The following DNAJC12 variants were observed in gnomAD, a reference collection of about 807,000 sequenced individuals.
The protein encoded by DNAJC12 is dnaJ homolog subfamily C member 12.
Under a neutral mutation model 28.5 loss-of-function variants are expected in DNAJC12, and 25 were observed. The ratio of observed to expected loss-of-function variants is 0.88; its 90% CI spans 0.64 to 1.22. DNAJC12 has a LOEUF of 1.22. DNAJC12 is among the 50% of genes most tolerant of loss of function. The pLI, the probability that DNAJC12 is intolerant of heterozygous loss-of-function variation, is 0.00. For missense variants in DNAJC12, 222 were observed against 231.7 expected (o/e 0.96, Z 0.27); for synonymous variants, 77 against 80.6 (o/e 0.95, Z 0.24).
chr10:67,810,944 A>G (rs1483753571), intron 3 of DNAJC12: 3 of 152,298 alleles, frequency 2.0e-5, no homozygotes, highest in African/African-American at 7.2e-5. Context: ...TATAAAGGTC[A>G]ATGTTGAACA....
At chr10:67,823,880 G>C (rs139310186) in intron 1 of DNAJC12, among the ~76,000 whole-genome samples, 3 of 151,974 alleles carry the variant, frequency 2.0e-5, no homozygotes, top group Non-Finnish European at 2.9e-5. Flanking sequence ...TGAAATAGTC[G>C]TTGTGATGAC....
At chr10:67,811,743 T>C in intron 2 of DNAJC12, 80 bp from the exon 3 acceptor site, 1 of 1,531,366 alleles carries the variant, frequency 6.5e-7, no homozygotes, top group Non-Finnish European at 8.8e-7. Flanking sequence ...CTGCTCTTAC[T>C]AAAACCATGA....
intron 2 of DNAJC12, among the ~76,000 whole-genome samples, chr10:67,821,525 AC>A (rs548616444): frequency 2.0e-4 from 30 of 152,324 alleles, no homozygotes; most frequent in Non-Finnish European, 2.6e-4. Flanking sequence ...TCAAAAAAAA[AC>A]ATTAAGATAT....
intron 4 of DNAJC12, among the ~76,000 whole-genome samples, chr10:67,803,319 GT>G (rs1841766753): frequency 2.0e-5 from 3 of 152,270 alleles, no homozygotes. Flanking sequence ...AGAGAAATGT[GT>G]ACAGTATAAC....
chr10:67,797,313 T>A (rs780102646), intron 4 of DNAJC12, 103 bp from the exon 5 acceptor site: 3 of 858,222 alleles, frequency 3.5e-6, no homozygotes, highest in Non-Finnish European at 5.6e-6. Flanking sequence ...GCAGGTACAA[T>A]GTAAGGGTAA....
At chr10:67,815,741 C>T (rs1433665159) in intron 2 of DNAJC12, among the ~76,000 whole-genome samples, 1 of 152,136 alleles carries the variant, frequency 6.6e-6, no homozygotes, top group African/African-American at 2.4e-5. Context: ...CCAGTTGCTA[C>T]TCATGTGGGG....
At chr10:67,826,920 A>AAT (rs1301056008) in intron 1 of DNAJC12, among the ~76,000 whole-genome samples, 4 of 130,534 alleles carry the variant, frequency 3.1e-5, no homozygotes, top group Non-Finnish European at 6.4e-5. Context: ...TATGATATAT[A>AAT]ATATATATAT....
intron 2 of DNAJC12, among the ~76,000 whole-genome samples, chr10:67,814,111 C>T (rs1042206305): frequency 1.4e-5 from 2 of 147,296 alleles, no homozygotes; most frequent in African/African-American, 4.9e-5. Context: ...AAAACTTATA[C>T]TACAAAGCTA....
At chr10:67,804,751 G>A (rs1841781621) in intron 4 of DNAJC12, among the ~76,000 whole-genome samples, 1 of 152,166 alleles carries the variant, frequency 6.6e-6, no homozygotes, top group Non-Finnish European at 1.5e-5. Context: ...GCATTATTGG[G>A]CCGGGCATGG....
chr10:67,815,911 A>C (rs1219148076), intron 2 of DNAJC12: 1 of 394,260 alleles, frequency 2.5e-6, no homozygotes, highest in Non-Finnish European at 4.5e-6. Context: ...AAGAAACCTT[A>C]TCTTTCCTAT....
intron 2 of DNAJC12, among the ~76,000 whole-genome samples, chr10:67,819,660 G>GAAAGAGAAAGAA (rs1280370710): frequency 8.6e-5 from 3 of 34,908 alleles, no homozygotes; most frequent in African/African-American, 3.8e-4. Context: ...AAGAAAGAAA[G>GAAAGAGAAAGAA]AGAAAGAAAG....
intron 2 of DNAJC12, among the ~76,000 whole-genome samples, chr10:67,822,710 C>A (rs376554319): frequency 1.4e-4 from 21 of 152,222 alleles, no homozygotes; most frequent in Non-Finnish European, 2.6e-4. Context: ...ATGAAGACAA[C>A]CGCCTAGCCG....
intron 4 of DNAJC12, among the ~76,000 whole-genome samples, chr10:67,797,861 A>T (rs1841692407): frequency 6.6e-6 from 1 of 152,012 alleles, no homozygotes; most frequent in Admixed American, 6.6e-5. Flanking sequence ...TAACACGGTG[A>T]AACCCCGTCT....
chr10:67,806,654 G>A (rs1841803977), intron 3 of DNAJC12, among the ~76,000 whole-genome samples: 1 of 151,924 alleles, frequency 6.6e-6, no homozygotes, highest in Non-Finnish European at 1.5e-5. Flanking sequence ...GTGAAACCAC[G>A]TCTCTACTAA....
At chr10:67,829,893 T>G (rs1453744071) in intron 1 of DNAJC12, among the ~76,000 whole-genome samples, 1 of 150,564 alleles carries the variant, frequency 6.6e-6, no homozygotes, top group Non-Finnish European at 1.5e-5. Context: ...AGGTAAGATA[T>G]GTGCAATATA....
chr10:67,835,597 G>A (rs894965057), intron 1 of DNAJC12, among the ~76,000 whole-genome samples: 1 of 151,948 alleles, frequency 6.6e-6, no homozygotes, highest in African/African-American at 2.4e-5. Context: ...AGCTGAGGAA[G>A]GAGAATCACT....
intron 4 of DNAJC12, among the ~76,000 whole-genome samples, chr10:67,802,461 T>G (rs1258042662): frequency 6.6e-6 from 1 of 152,180 alleles, no homozygotes; most frequent in Non-Finnish European, 1.5e-5. Context: ...CTCCCAGAAC[T>G]TTGCTAGTGC....
chr10:67,818,308 G>T (rs1432325650), intron 2 of DNAJC12, among the ~76,000 whole-genome samples: 1 of 152,126 alleles, frequency 6.6e-6, no homozygotes, highest in African/African-American at 2.4e-5. Flanking sequence ...CTGAGTAAAC[G>T]GATGCTTAAA....
chr10:67,827,045 TG>T (rs1842044181), intron 1 of DNAJC12, among the ~76,000 whole-genome samples: 2 of 150,388 alleles, frequency 1.3e-5, no homozygotes, highest in African/African-American at 4.9e-5. Flanking sequence ...TAGAAAGTTT[TG>T]GGGGTTTATC....
Sources: allele counts gnomAD v4.1 joint callset (sites outside exome capture counted in the v4.1 genomes callset), GRCh38; gene constraint gnomAD v4.1.1; transcripts MANE v1.5; gene names NCBI Gene and HGNC (gene_info 2026-07-23, HGNC 2026-07-21).